RELN: variants seen among roughly 807,000 people sequenced by gnomAD.
The protein encoded by RELN is reelin.
Under a neutral mutation model 427.6 loss-of-function variants are expected in RELN, and 108 were observed. The ratio of observed to expected loss-of-function variants is 0.25; its 90% CI spans 0.22 to 0.30. The LOEUF is 0.30. Among genes scored for constraint, RELN ranks in the 10% least tolerant of loss-of-function variants. RELN has a pLI of 1.00. For synonymous variants in RELN, 1,524 were observed against 1,513.4 expected (o/e 1.01, Z -0.16); for missense variants, 3,715 against 4,302.8 (o/e 0.86, Z 3.82).
intron 3 of RELN, among the ~76,000 whole-genome samples, chr7:103,807,901 G>A (rs1056454527): frequency 6.6e-6 from 1 of 152,096 alleles, no homozygotes; most frequent in Non-Finnish European, 1.5e-5. Context: ...CCCATAACAG[G>A]CCCTCATCCC....
At chr7:103,870,290 CTGTT>C (rs1794299200) in intron 2 of RELN, among the ~76,000 whole-genome samples, 1 of 151,878 alleles carries the variant, frequency 6.6e-6, no homozygotes. Context: ...TCCTGCTTTC[CTGTT>C]TATTTTCATA....
intron 6 of RELN, among the ~76,000 whole-genome samples, chr7:103,728,933 C>A (rs1790283369): frequency 6.6e-6 from 1 of 152,118 alleles, no homozygotes; most frequent in South Asian, 2.1e-4. Flanking sequence ...TAGCTCCTAT[C>A]TTTATACTAT....
chr7:103,884,928 T>TC (rs1794688663), intron 2 of RELN, among the ~76,000 whole-genome samples: 1 of 152,134 alleles, frequency 6.6e-6, no homozygotes, highest in African/African-American at 2.4e-5. Context: ...ATCCCATCAC[T>TC]CGGTATATAC....
intron 3 of RELN, among the ~76,000 whole-genome samples, chr7:103,788,989 G>C (rs770064592): frequency 3.9e-5 from 6 of 152,020 alleles, no homozygotes; most frequent in Non-Finnish European, 8.8e-5. Context: ...CAAAACAACA[G>C]ATACATAGAC....
chr7:103,589,758 C>A lies in RELN; in HGVS notation c.3983G>T (p.Gly1328Val). The A allele has an allele frequency of 6.2e-7, 1 of 1,613,760 alleles. No homozygotes were observed. Among genetic ancestry groups the A allele is most frequent in the Non-Finnish European group, 8.5e-7 (1 of 1,179,672 alleles). ...TTCTTTCACCAGAAACCAGGACATACCAGCATCATGAGAGTACTGAAGAAG... is the reference window on the plus strand; with the variant it reads ...TTCTTTCACCAGAAACCAGGACATAACAGCATCATGAGAGTACTGAAGAAG... ...PVLLQYSHDA[G>V]MSWFLVKEGC... The change falls in exon 28 of 65, where the codon GGT (glycine) becomes GTT (valine). Residue 1328 changes from glycine to valine, a missense_variant. Physicochemically the swap from Gly to Val is moderately radical, Grantham distance 109. Around this residue, in one of 4 missense-constraint regions of RELN, gnomAD observed 2,208 missense variants for 2,361.7 expected, o/e 0.93. Transcript: ENST00000428762.
At position 103,636,401 on chromosome 7, in the gene RELN, C is replaced by G; in HGVS notation, c.2137G>C (p.Glu713Gln). 6.2e-7 allele frequency: 1 copy of G among 1,613,986 alleles called. No individual in the cohort carries two copies. ...ASQTFPMFIS[E>Q]SFGSSRLSSY... ...GAGAGCCTGGAACTGCCAAAGCTTT[C>G]AGAAATAAACATTGGGAATGTCTGG... The change falls in exon 18 of 65, where the codon GAA becomes CAA. Residue 713 changes from glutamate to glutamine, a missense_variant. Transcript: ENST00000428762.
intron 20 of RELN, among the ~76,000 whole-genome samples, chr7:103,624,943 G>A (rs567956042): frequency 6.6e-6 from 1 of 152,206 alleles, no homozygotes; most frequent in South Asian, 2.1e-4. Context: ...GCCCATGAAA[G>A]TACCCAAGAG....
intron 3 of RELN, among the ~76,000 whole-genome samples, chr7:103,782,824 A>G (rs1311629368): frequency 1.1e-4 from 16 of 152,196 alleles, no homozygotes; most frequent in Non-Finnish European, 2.9e-5. Context: ...GAATCATACC[A>G]GCTGGTTCAT....
chr7:103,535,577 T>C (rs1466548057), intron 45 of RELN, 93 bp from the exon 46 acceptor site: 9 of 1,251,396 alleles, frequency 7.2e-6, no homozygotes, highest in South Asian at 1.3e-5. Context: ...TTTAGTTTCA[T>C]TCAAATGTCA....
intron 4 of RELN, among the ~76,000 whole-genome samples, chr7:103,761,564 T>C (rs1343732886): frequency 6.6e-6 from 1 of 152,058 alleles, no homozygotes; most frequent in African/African-American, 2.4e-5. Context: ...ATGATCCTCC[T>C]GCCTCAGCCT....
intron 3 of RELN, among the ~76,000 whole-genome samples, chr7:103,783,294 C>A (rs1203255527): frequency 6.6e-6 from 1 of 150,932 alleles, no homozygotes; most frequent in Non-Finnish European, 1.5e-5. Context: ...ACAGTGCATT[C>A]TAATTTGGGG....
At chr7:103,774,695 A>C (rs1194157000) in intron 4 of RELN, among the ~76,000 whole-genome samples, 2 of 152,214 alleles carry the variant, frequency 1.3e-5, no homozygotes, top group African/African-American at 4.8e-5. Context: ...AGGCCAGAAT[A>C]AATATATAGT....
At chr7:103,890,530 T>C (rs967331276) in intron 2 of RELN, among the ~76,000 whole-genome samples, 1 of 140,804 alleles carries the variant, frequency 7.1e-6, no homozygotes, top group Admixed American at 7.4e-5. Flanking sequence ...ACTCGAACAA[T>C]AAATGTAATG....
chr7:103,614,315 C>T (rs1182679727), intron 20 of RELN, among the ~76,000 whole-genome samples: 1 of 152,168 alleles, frequency 6.6e-6, no homozygotes, highest in African/African-American at 2.4e-5. Flanking sequence ...CAGCCTCTTC[C>T]TTTTAGTCAC....
At position 103,723,229 on chromosome 7, in the gene RELN, GAGAGGAGAA is replaced by G. The variant is rs780028669; in HGVS notation, c.754-47_754-39del. On this transcript the variant is annotated intron_variant, in intron 7 of 64. Coordinates refer to ENST00000428762, the MANE Select transcript of RELN (RefSeq NM_005045.4). ...GAATACATAAAAATAAGACAAGACAGAGAGGAGAAAGAGGAGAAAGATGCTGGGAGGGGT... is the reference window on the plus strand; with the variant it reads ...GAATACATAAAAATAAGACAAGACAGAGAGGAGAAAGATGCTGGGAGGGGT... 4 of 1,307,496 alleles carry G rather than the reference GAGAGGAGAA, an allele frequency of 3.1e-6. No homozygotes were observed. The African/African-American group carries it at 4.4e-5, about 14-fold the overall frequency. 81.0% of individuals were successfully genotyped at this position (1,307,496 alleles called of 1,614,324 possible). A position where few individuals can be genotyped will look rare whatever the true frequency, so the allele number is the denominator to read the frequency against.
intron 1 of RELN, among the ~76,000 whole-genome samples, chr7:103,954,843 GAAGTAA>G (rs1207658624): frequency 6.6e-6 from 1 of 152,152 alleles, no homozygotes; most frequent in East Asian, 1.9e-4. Context: ...CACAATGACA[GAAGTAA>G]AAGTTTCCAT....
intron 42 of RELN, among the ~76,000 whole-genome samples, chr7:103,543,812 C>T (rs1295593613): frequency 6.6e-6 from 1 of 152,196 alleles, no homozygotes; most frequent in East Asian, 1.9e-4. Context: ...AAACAATTCA[C>T]TGGCATTTAG....
rs1832322254 is a variant in RELN at position 103,626,027 on chromosome 7, A to T, written c.2702+3913T>A. On this transcript the variant is annotated intron_variant, in intron 20 of 64. Transcript: ENST00000428762. The surrounding 1 kb of genome is among the most constrained non-coding windows in gnomAD (Gnocchi z 4.4). Reference sequence around the variant, plus strand: ...TAGCTCATGAATGGGATGAAAGACAAAGATGGGATGAATGGGTAGAAATTC... The same window carrying T: ...TAGCTCATGAATGGGATGAAAGACATAGATGGGATGAATGGGTAGAAATTC... Among the ~76,000 whole-genome samples, 1 of 152,064 alleles carries T rather than the reference A, an allele frequency of 6.6e-6. No homozygotes were observed. The highest frequency in any genetic ancestry group is 1.5e-5 in the Non-Finnish European group (1 of 67,962).
At chr7:103,951,120 G>C (rs569211334) in intron 1 of RELN, among the ~76,000 whole-genome samples, 9 of 152,096 alleles carry the variant, frequency 5.9e-5, no homozygotes, top group Admixed American at 1.3e-4. Context: ...TAGTAGAGAT[G>C]GGGTTTCACC....
Sources: allele counts gnomAD v4.1 joint callset (sites outside exome capture counted in the v4.1 genomes callset), GRCh38; gene constraint gnomAD v4.1.1; regional missense constraint gnomAD v4.1.1; non-coding constraint Gnocchi (gnomAD v3.1); transcripts MANE v1.5; gene names NCBI Gene and HGNC (gene_info 2026-07-23, HGNC 2026-07-21).